Variants in SEPTIN10 observed in about 807,000 individuals in gnomAD.
SEPTIN10 encodes septin 10, also known as septin-10.
A neutral mutation model predicts 54.8 loss-of-function variants in SEPTIN10; 66 were observed. The observed-to-expected ratio is 1.21, with a 90% CI of 0.99 to 1.48. The LOEUF (loss-of-function observed/expected upper bound fraction) is 1.48. Ranked by LOEUF, SEPTIN10 falls within the 40% of genes most tolerant of loss-of-function variation. The pLI, the probability that SEPTIN10 is intolerant of heterozygous loss-of-function variation, is 0.00. For synonymous variants in SEPTIN10, 161 were observed against 181.0 expected (o/e 0.89, Z 0.89); for missense variants, 620 against 545.6 (o/e 1.14, Z -1.36).
intron 8 of SEPTIN10, among the ~76,000 whole-genome samples, chr2:109,563,340 G>T (rs961898060): frequency 3.3e-5 from 5 of 152,176 alleles, no homozygotes; most frequent in African/African-American, 1.2e-4. Flanking sequence ...ATATGCAACA[G>T]CGGCACTAAT....
chr2:109,552,110 C>A (rs910298714), intron 9 of SEPTIN10, among the ~76,000 whole-genome samples: 5 of 152,192 alleles, frequency 3.3e-5, no homozygotes, highest in African/African-American at 4.8e-5. Context: ...GCAAACTGTG[C>A]ATGTGAGGGA....
chr2:109,603,511 T>C (rs1472773593), intron 1 of SEPTIN10, among the ~76,000 whole-genome samples: 1 of 151,982 alleles, frequency 6.6e-6, no homozygotes, highest in Non-Finnish European at 1.5e-5. Flanking sequence ...AGAGCTGGGA[T>C]TACAGGCGTG....
intron 1 of SEPTIN10, among the ~76,000 whole-genome samples, chr2:109,611,778 T>G (rs1573916402): frequency 6.6e-6 from 1 of 152,248 alleles, no homozygotes; most frequent in East Asian, 1.9e-4. Flanking sequence ...AAAATCACCA[T>G]GAGGTGTCAC....
intron 5 of SEPTIN10, among the ~76,000 whole-genome samples, chr2:109,570,548 G>C (rs566583846): frequency 6.7e-6 from 1 of 149,272 alleles, no homozygotes; most frequent in Admixed American, 6.7e-5. Flanking sequence ...TTTCCAAGAC[G>C]GAGTCTAGCT....
In SEPTIN10 at chr2:109,610,818, G is replaced by A. The variant is rs1011351669; in HGVS notation, c.30+2980C>T. On this transcript the variant is annotated intron_variant, in intron 1 of 10. Coordinates refer to ENST00000397712, the MANE Select transcript of SEPTIN10 (RefSeq NM_144710.5). ...CCCTAAATCGATATAAACATTTAAT[G>A]TAATTCCTCTCGAATCCCAGCAAAA... Among the ~76,000 whole-genome samples the A allele has an allele frequency of 4.6e-5, 7 of 152,296 alleles. No individual in the cohort carries two copies. In the East Asian group the frequency reaches 1.4e-3, roughly 29 times the overall value.
chr2:109,592,056 A>T (rs953726900), intron 2 of SEPTIN10, among the ~76,000 whole-genome samples: 1 of 152,306 alleles, frequency 6.6e-6, no homozygotes, highest in African/African-American at 2.4e-5. Context: ...GACCCTTAGA[A>T]GCATAAGGTG....
intron 2 of SEPTIN10, among the ~76,000 whole-genome samples, chr2:109,588,560 C>T (rs1374405598): frequency 6.6e-6 from 1 of 152,028 alleles, no homozygotes; most frequent in Non-Finnish European, 1.5e-5. Flanking sequence ...GTGGTATGAT[C>T]TTGGCTCACT....
At chr2:109,554,009 C>A (rs1170628075) in intron 8 of SEPTIN10, among the ~76,000 whole-genome samples, 1 of 152,088 alleles carries the variant, frequency 6.6e-6, no homozygotes, top group Non-Finnish European at 1.5e-5. Flanking sequence ...GAATTAAGTT[C>A]GTATGGTATA....
intron 1 of SEPTIN10, among the ~76,000 whole-genome samples, chr2:109,601,157 C>T (rs1459358095): frequency 5.9e-5 from 9 of 152,220 alleles, no homozygotes; most frequent in Non-Finnish European, 1.3e-4. Context: ...CTTTCAGCCC[C>T]TCTCCCTTTC....
chr2:109,611,477 C>A (rs1699239698), intron 1 of SEPTIN10, among the ~76,000 whole-genome samples: 2 of 150,816 alleles, frequency 1.3e-5, no homozygotes, highest in African/African-American at 2.4e-5. Context: ...TTAAACCCAA[C>A]AGAAAAAAAA....
At chr2:109,558,843 A>T (rs1684976434) in intron 8 of SEPTIN10, among the ~76,000 whole-genome samples, 1 of 152,176 alleles carries the variant, frequency 6.6e-6, no homozygotes, top group Non-Finnish European at 1.5e-5. Context: ...AAATTACAAC[A>T]ACTACCAAAT....
At chr2:109,588,500 A>T (rs1215510084) in intron 2 of SEPTIN10, among the ~76,000 whole-genome samples, 1 of 152,080 alleles carries the variant, frequency 6.6e-6, no homozygotes, top group Admixed American at 6.6e-5. Context: ...TTATATATAC[A>T]AATTTTTTTT....
chr2:109,548,772 T>G (rs1234219161), intron 9 of SEPTIN10, among the ~76,000 whole-genome samples: 1 of 50,480 alleles, frequency 2.0e-5, no homozygotes, highest in Non-Finnish European at 3.6e-5. Context: ...TTAGGCTCCA[T>G]CTCAAAAAAA....
chr2:109,565,065 C>T (rs2105184077), intron 7 of SEPTIN10, among the ~76,000 whole-genome samples: 1 of 152,230 alleles, frequency 6.6e-6, no homozygotes, highest in African/African-American at 2.4e-5. Flanking sequence ...GATCCTTCTT[C>T]TATGTTTACG....
intron 4 of SEPTIN10, among the ~76,000 whole-genome samples, chr2:109,583,860 G>A (rs546791132): frequency 1.3e-5 from 2 of 152,210 alleles, no homozygotes; most frequent in East Asian, 3.9e-4. Flanking sequence ...GCTGGAGGCC[G>A]TTATCCTAAG....
At chr2:109,592,735 A>C (rs2105944666) in intron 2 of SEPTIN10, among the ~76,000 whole-genome samples, 1 of 149,470 alleles carries the variant, frequency 6.7e-6, no homozygotes, top group East Asian at 2.0e-4. Flanking sequence ...AGCCGAGATC[A>C]TGCCACTCCA....
chr2:109,570,473 C>A (rs1688091185), intron 5 of SEPTIN10, among the ~76,000 whole-genome samples: 1 of 150,844 alleles, frequency 6.6e-6, no homozygotes. Flanking sequence ...AAAAATAATA[C>A]AAATTTTAAA....
chr2:109,550,345 C>T (rs1682598563), intron 9 of SEPTIN10, among the ~76,000 whole-genome samples: 1 of 150,960 alleles, frequency 6.6e-6, no homozygotes, highest in South Asian at 2.1e-4. Context: ...CGGATTCTCG[C>T]TCTGTTGCCC....
Position 109,567,853 on chromosome 2 carries a change from C to A in SEPTIN10, c.724G>T (p.Asp242Tyr). The change falls in exon 6 of 11, where the codon GAT becomes TAT. Residue 242 changes from aspartate (D) to tyrosine (Y), a missense_variant. Transcript: ENST00000397712. ...TTGACCTTAGCAATAGTGTCATCAT[C>A]CGTTGGGAACTGGTATATCTGGACG... ...NGVQIYQFPTDDDTIAKVNAA... is the reference protein window; with the variant it reads ...NGVQIYQFPTYDDTIAKVNAA... 1 of 1,612,164 alleles carries A rather than the reference C, an allele frequency of 6.2e-7. No individual in the cohort carries two copies. The highest frequency in any genetic ancestry group is 8.5e-7 in the Non-Finnish European group (1 of 1,179,326).
Sources: allele counts gnomAD v4.1 joint callset (sites outside exome capture counted in the v4.1 genomes callset), GRCh38; gene constraint gnomAD v4.1.1; transcripts MANE v1.5; gene names NCBI Gene and HGNC (gene_info 2026-07-23, HGNC 2026-07-21).